Variants in ADARB1 observed in about 807,000 individuals in gnomAD.
The protein encoded by ADARB1 is double-stranded RNA-specific editase 1.
Under a neutral mutation model 52.4 loss-of-function variants are expected in ADARB1, and 10 were observed. The ratio of observed to expected loss-of-function variants is 0.19; its 90% CI spans 0.12 to 0.32. ADARB1 has a LOEUF of 0.32. ADARB1 is among the 10% of genes least tolerant of loss of function. The pLI is 1.00. For missense variants in ADARB1, 643 were observed against 922.3 expected, an observed-to-expected ratio of 0.70 and a Z score of 3.92; for synonymous variants, 349 against 371.1, an observed-to-expected ratio of 0.94 and a Z score of 0.68.
chr21:45,200,895 A>G lies in ADARB1; in HGVS notation c.1566-3660A>G, dbSNP rs1601933726. On this transcript the variant is annotated intron_variant, in intron 8 of 10. Transcript: ENST00000348831. This position sits in a 1 kb window ranked among gnomAD's most constrained non-coding sequence, Gnocchi z 5.0. ...CTCAGGCCGGGCCCTTTACTGAATC[A>G]GGGGACAGATCAGATGATAGCAGTC... Among the ~76,000 whole-genome samples, 2 of 150,958 alleles carry G rather than the reference A, an allele frequency of 1.3e-5. No homozygotes were observed. The highest frequency in any genetic ancestry group is 2.4e-5 in the African/African-American group (1 of 41,452).
At chr21:45,093,412 C>CCTCT (rs2086635544) in intron 1 of ADARB1, among the ~76,000 whole-genome samples, 1 of 152,216 alleles carries the variant, frequency 6.6e-6, no homozygotes, top group South Asian at 2.1e-4. Flanking sequence ...TTTCCACAGG[C>CCTCT]CTCTGCCTGA....
chr21:45,132,121 A>G (rs1369190659), intron 2 of ADARB1: 1 of 152,270 alleles, frequency 6.6e-6, no homozygotes, highest in Non-Finnish European at 1.5e-5. Flanking sequence ...TAGTATCTAA[A>G]TATTCCAAAA....
At chr21:45,161,595 C>G (rs527741078) in intron 2 of ADARB1, among the ~76,000 whole-genome samples, 1 of 152,340 alleles carries the variant, frequency 6.6e-6, no homozygotes, top group South Asian at 2.1e-4. Flanking sequence ...AGCCGCCCCT[C>G]GGCAGGAACA....
chr21:45,121,513 A>G (rs114462634), intron 1 of ADARB1, among the ~76,000 whole-genome samples: 2,060 of 152,056 alleles, frequency 0.014, 16 homozygotes, highest in African/African-American at 0.031. Flanking sequence ...GTCTGGGTTC[A>G]TGCTTATTTG....
chr21:45,224,068 T>G lies in ADARB1; in HGVS notation c.*1871T>G. 1 of 985,468 alleles carries G rather than the reference T, an allele frequency of 1.0e-6. No individual in the cohort carries two copies. Among genetic ancestry groups the G allele is most frequent in the Non-Finnish European group, 1.2e-6 (1 of 829,964 alleles). 61.0% of individuals were successfully genotyped at this position (985,468 alleles called of 1,614,324 possible). A position where few individuals can be genotyped will look rare whatever the true frequency, so the allele number is the denominator to read the frequency against. ...AGGAGAGGGGTCTGTTGTCGCTGGC[T>G]TTCCCCCAAGCAGGCTCTTGCACAC... On this transcript the variant is annotated 3_prime_UTR_variant, in exon 11 of 11. Transcript: ENST00000348831.
chr21:45,189,191 A>G (rs982855087), intron 8 of ADARB1, among the ~76,000 whole-genome samples: 1 of 149,668 alleles, frequency 6.7e-6, no homozygotes, highest in Non-Finnish European at 1.5e-5. Flanking sequence ...TAGGATTCTC[A>G]TTTATTTTAT....
chr21:45,172,058 C>A lies in ADARB1; in HGVS notation c.28+374C>A, dbSNP rs2091504194. On this transcript the variant is annotated intron_variant, in intron 3 of 10. Transcript: ENST00000348831. This position sits in a 1 kb window ranked among gnomAD's most constrained non-coding sequence, Gnocchi z 4.4. The stretch of plus-strand genomic sequence containing the variant: ...TCTGAGATTGATTTAAATACCCAGG[C>A]CTTTGCAATAATAGGACAGAAATAT... 6.6e-6 allele frequency among the ~76,000 whole-genome samples: 1 copy of A among 152,138 alleles called. No individual in the cohort carries two copies. Among genetic ancestry groups the A allele is most frequent in the Non-Finnish European group, 1.5e-5 (1 of 68,034 alleles).
chr21:45,191,620 T>TAATG (rs2092283422), intron 8 of ADARB1, among the ~76,000 whole-genome samples: 1 of 152,056 alleles, frequency 6.6e-6, no homozygotes, highest in Non-Finnish European at 1.5e-5. Context: ...TTATAGTCAC[T>TAATG]CATTGTTTTA....
intron 1 of ADARB1, among the ~76,000 whole-genome samples, chr21:45,086,628 CG>C (rs1308502051): frequency 1.3e-5 from 2 of 152,200 alleles, no homozygotes; most frequent in Non-Finnish European, 2.9e-5. Context: ...ACATGTTTTT[CG>C]GGTTCATCCG....
At chr21:45,202,189 A>C (rs2092569190) in intron 8 of ADARB1, among the ~76,000 whole-genome samples, 1 of 152,140 alleles carries the variant, frequency 6.6e-6, no homozygotes, top group Non-Finnish European at 1.5e-5. Context: ...GCGTCATGAC[A>C]CAGGCAGGGG....
At chr21:45,117,005 A>G (rs1490556814) in intron 1 of ADARB1, 1 of 152,186 alleles carries the variant, frequency 6.6e-6, no homozygotes, top group Non-Finnish European at 1.5e-5. Context: ...GATGTTGTAC[A>G]AATTAGCAGA....
intron 2 of ADARB1, among the ~76,000 whole-genome samples, chr21:45,171,307 C>T (rs1231245136): frequency 1.3e-5 from 2 of 152,318 alleles, no homozygotes; most frequent in Non-Finnish European, 2.9e-5. Context: ...GGCACTGGCC[C>T]TGAACCTCCC....
intron 9 of ADARB1, among the ~76,000 whole-genome samples, chr21:45,218,935 C>T (rs1454788636): frequency 2.0e-5 from 3 of 152,188 alleles, no homozygotes; most frequent in Non-Finnish European, 4.4e-5. Context: ...TGGCCTATAA[C>T]ATCCATGTGA....
chr21:45,162,463 G>A (rs377572371), intron 2 of ADARB1, among the ~76,000 whole-genome samples: 14 of 152,272 alleles, frequency 9.2e-5, no homozygotes, highest in South Asian at 4.1e-4. Flanking sequence ...TGAGCCGAGC[G>A]CAGCCTGCCA....
At chr21:45,084,847 A>G (rs750122011) in intron 1 of ADARB1, among the ~76,000 whole-genome samples, 2 of 152,072 alleles carry the variant, frequency 1.3e-5, no homozygotes, top group East Asian at 1.9e-4. Flanking sequence ...AAGGTGTCCA[A>G]CCCACCCAGT....
intron 2 of ADARB1, among the ~76,000 whole-genome samples, chr21:45,131,711 G>A (rs1038906826): frequency 3.3e-5 from 5 of 152,376 alleles, no homozygotes; most frequent in African/African-American, 4.8e-5. Flanking sequence ...AAGGAGAAGT[G>A]AGGAGGGGCA....
intron 8 of ADARB1, among the ~76,000 whole-genome samples, chr21:45,194,379 A>G (rs1222293870): frequency 1.3e-5 from 2 of 152,186 alleles, no homozygotes; most frequent in Non-Finnish European, 2.9e-5. Context: ...ATCCACCATC[A>G]CAGTGTGAGA....
At chr21:45,078,853 C>T (rs1264661977) in intron 1 of ADARB1, among the ~76,000 whole-genome samples, 1 of 152,170 alleles carries the variant, frequency 6.6e-6, no homozygotes, top group Non-Finnish European at 1.5e-5. Flanking sequence ...AAGAGCTTTA[C>T]ATATATTAAT....
At chr21:45,117,870 T>C (rs544644431) in intron 1 of ADARB1, among the ~76,000 whole-genome samples, 149 of 152,340 alleles carry the variant, frequency 9.8e-4, no homozygotes, top group Non-Finnish European at 1.5e-3. Context: ...ATGTACAGTT[T>C]GTGTTTTCTT....
Sources: gnomAD v4.1 joint callset for allele counts (sites outside exome capture counted in the v4.1 genomes callset) on GRCh38, gnomAD v4.1.1 for gene constraint, Gnocchi (gnomAD v3.1) non-coding constraint, MANE v1.5 for transcripts, NCBI Gene and HGNC (gene_info 2026-07-23, HGNC 2026-07-21) for gene names.